The following THBS4 variants were observed in gnomAD, a reference collection of about 807,000 sequenced individuals.
THBS4 encodes the protein thrombospondin-4.
THBS4 carries 90 observed loss-of-function variants against 115.7 expected under a neutral mutation model. That is an observed-to-expected ratio of 0.78 (90% CI 0.66 to 0.93). The LOEUF (loss-of-function observed/expected upper bound fraction) is 0.93. THBS4 is among the 40% of genes least tolerant of loss of function. THBS4 has a pLI of 0.00. For synonymous variants in THBS4, 460 were observed against 479.3 expected, an observed-to-expected ratio of 0.96 and a Z score of 0.53; for missense variants, 1,087 against 1,232.7, an observed-to-expected ratio of 0.88 and a Z score of 1.77.
At chr5:80,072,174 A>T in intron 13 of THBS4, 104 bp from the exon 14 acceptor site, 2 of 981,412 alleles carry the variant, frequency 2.0e-6, no homozygotes, top group Middle Eastern at 2.1e-4. Context: ...TCTCTGTGTG[A>T]CACTGGCCCA....
Position 80,078,132 on chromosome 5 carries a change from G to C in THBS4, c.2170G>C (p.Glu724Gln), listed in dbSNP as rs781663952. 1 of 1,612,814 alleles carries C rather than the reference G, an allele frequency of 6.2e-7. No homozygotes were observed. Among genetic ancestry groups the C allele is most frequent in the Admixed American group, 1.7e-5 (1 of 59,924 alleles). ...DRIDVCPENA[E>Q]VTLTDFRAYQ... ...GATCGACGTCTGCCCAGAGAACGCA[G>C]AGGTCACCCTGACCGACTTCAGGGC... Residue 724 changes from glutamate (E) to glutamine (Q), a missense_variant, in exon 17 of 22, where the codon GAG (glutamate) becomes CAG (glutamine). Around this residue, in one of 3 missense-constraint regions of THBS4, gnomAD observed 979 missense variants for 1,103.7 expected, o/e 0.89. Transcript: ENST00000350881.
chr5:79,992,496 C>T (rs972163030), intron 1 of THBS4, among the ~76,000 whole-genome samples: 1 of 152,188 alleles, frequency 6.6e-6, no homozygotes, highest in Non-Finnish European at 1.5e-5. Context: ...GTCTTTTTTA[C>T]ATGTTTCAAA....
chr5:80,025,174 G>A (rs978656858), intron 2 of THBS4, among the ~76,000 whole-genome samples: 4 of 152,100 alleles, frequency 2.6e-5, no homozygotes, highest in African/African-American at 9.7e-5. Flanking sequence ...GGGTTTCTAG[G>A]CAGTAAAAAC....
intron 2 of THBS4, among the ~76,000 whole-genome samples, chr5:80,007,259 A>T (rs1832036677): frequency 6.6e-6 from 1 of 152,258 alleles, no homozygotes; most frequent in Admixed American, 6.5e-5. Flanking sequence ...TGAATTTCAC[A>T]GACATATACA....
upstream of THBS4, among the ~76,000 whole-genome samples, chr5:80,030,558 G>A (rs1366389624): frequency 6.6e-6 from 1 of 151,966 alleles, no homozygotes; most frequent in African/African-American, 2.4e-5. Flanking sequence ...TAGTAGAGAC[G>A]GGGTTTCACC....
chr5:80,041,139 C>G (rs1269013276), intron 2 of THBS4, among the ~76,000 whole-genome samples: 1 of 152,172 alleles, frequency 6.6e-6, no homozygotes, highest in East Asian at 1.9e-4. Context: ...ATACCATATC[C>G]AAACCATACC....
intron 2 of THBS4, among the ~76,000 whole-genome samples, chr5:80,040,572 G>T (rs1335825591): frequency 2.0e-5 from 3 of 152,212 alleles, no homozygotes; most frequent in African/African-American, 7.2e-5. Context: ...GGAACAGAGA[G>T]GACAAGGGAC....
chr5:80,040,249 T>C lies in THBS4; in HGVS notation c.261T>C (p.Phe87=), dbSNP rs1182336071. 1.2e-6 allele frequency: 2 copies of C among 1,613,838 alleles called. No homozygotes were observed. The highest frequency in any genetic ancestry group is 1.3e-5 in the African/African-American group (1 of 74,926). Reference sequence around the variant, plus strand: ...CTTCAACTGACAACAGTAAATATTTTGAATTTACTGTGATGGGACGCTTAA... The same window carrying C: ...CTTCAACTGACAACAGTAAATATTTCGAATTTACTGTGATGGGACGCTTAA... ...LYSSTDNSKY[F]EFTVMGRLNK... The change falls in exon 2 of 22, where the codon TTT becomes TTC. Residue 87 remains phenylalanine (F), a synonymous_variant. Transcript: ENST00000350881.
upstream of THBS4, among the ~76,000 whole-genome samples, chr5:80,034,778 C>T (rs149109223): frequency 3.5e-4 from 53 of 152,250 alleles, no homozygotes; most frequent in African/African-American, 1.1e-3. Flanking sequence ...CACTGTGTCT[C>T]AAAATGATAG....
Position 80,061,783 on chromosome 5 carries a change from G to A in THBS4, c.1076G>A (p.Gly359Glu). 1 of 1,613,958 alleles carries A rather than the reference G, an allele frequency of 6.2e-7. No individual in the cohort carries two copies. Among genetic ancestry groups the A allele is most frequent in the Non-Finnish European group, 8.5e-7 (1 of 1,179,972 alleles). The change falls in exon 8 of 22, where the codon GGG (glycine) becomes GAG (glutamate). Residue 359 changes from glycine to glutamate, a missense_variant. Gly to Glu is a moderately conservative substitution (Grantham distance 98, BLOSUM62 -2). Coordinates refer to ENST00000350881, the MANE Select transcript of THBS4 (RefSeq NM_003248.6). ...RCDACPVGFT[G>E]PMVQGVGISF... is the part of the protein sequence containing the mutation. Reference sequence around the variant, plus strand: ...GACGCCTGCCCAGTGGGCTTCACAGGGCCCATGGTGCAGGGTGTTGGGATC... The same window carrying A: ...GACGCCTGCCCAGTGGGCTTCACAGAGCCCATGGTGCAGGGTGTTGGGATC...
At chr5:80,045,995 T>A (rs1833054793) in intron 2 of THBS4, among the ~76,000 whole-genome samples, 1 of 152,196 alleles carries the variant, frequency 6.6e-6, no homozygotes, top group African/African-American at 2.4e-5. Context: ...AAAACTATAA[T>A]AATTAGGACA....
intron 2 of THBS4, among the ~76,000 whole-genome samples, chr5:80,021,383 T>C (rs1218368494): frequency 6.6e-6 from 1 of 152,202 alleles, no homozygotes; most frequent in African/African-American, 2.4e-5. Flanking sequence ...CTAAATTTTT[T>C]CATTTTGAAA....
At chr5:80,024,090 C>T (rs1406122442) in intron 2 of THBS4, among the ~76,000 whole-genome samples, 1 of 152,074 alleles carries the variant, frequency 6.6e-6, no homozygotes, top group African/African-American at 2.4e-5. Context: ...ATAAGGAAAC[C>T]ACCATGTGCC....
chr5:80,005,762 AT>A lies in THBS4; in HGVS notation n.177+7357del, dbSNP rs567389394. Among the ~76,000 whole-genome samples the A allele has an allele frequency of 3.6e-3, 431 of 119,840 alleles. 2 individuals carry two copies. Among genetic ancestry groups the A allele is most frequent in the African/African-American group, 7.6e-3 (230 of 30,392 alleles). 78.6% of individuals were successfully genotyped at this position (119,840 alleles called of 152,430 possible). A position where few individuals can be genotyped will look rare whatever the true frequency, so the allele number is the denominator to read the frequency against. ...GTACACGGTATGTTTTGTTTGTGGC[AT>A]TTTTTTTTTTTTTTTTTTTTTGAGA... On this transcript the variant is annotated intron_variant and non_coding_transcript_variant, in intron 2 of 3. Transcript: ENST00000510218.
rs1832701887 is a variant in THBS4, at chr5:80,035,828, A to G, written c.88+203A>G. 6.6e-6 allele frequency among the ~76,000 whole-genome samples: 1 copy of G among 152,208 alleles called. No homozygotes were observed. Among genetic ancestry groups the G allele is most frequent in the African/African-American group, 2.4e-5 (1 of 41,462 alleles). On this transcript the variant is annotated intron_variant, in intron 1 of 21. Coordinates refer to ENST00000350881, the MANE Select transcript of THBS4 (RefSeq NM_003248.6). This position sits in a 1 kb window ranked among gnomAD's most constrained non-coding sequence, Gnocchi z 4.6. ...GAAATTCGATTATCCAATGATGAGA[A>G]CAATTGCCTAAATAGTTGGGGGATG...
intron 2 of THBS4, among the ~76,000 whole-genome samples, chr5:80,041,150 AC>A (rs1229403503): frequency 6.6e-6 from 1 of 151,782 alleles, no homozygotes. Flanking sequence ...AAACCATACC[AC>A]CCGCAGATTT....
At chr5:80,065,508 A>G (rs1171807442) in intron 9 of THBS4, 31 bp downstream of exon 9, 1 of 1,597,386 alleles carries the variant, frequency 6.3e-7, no homozygotes, top group African/African-American at 1.3e-5. Flanking sequence ...TTGTTATCAA[A>G]GCAGAACCGG....
intron 2 of THBS4, among the ~76,000 whole-genome samples, chr5:80,011,170 C>A (rs1200195200): frequency 6.6e-6 from 1 of 152,208 alleles, no homozygotes; most frequent in Admixed American, 6.5e-5. Flanking sequence ...TTGCCTGCTG[C>A]CATCCATGTA....
At position 80,076,851 on chromosome 5, in the gene THBS4, G is replaced by A. The variant is rs1743241607; in HGVS notation, c.1893-4G>A. On this transcript the variant is annotated splice_polypyrimidine_tract_variant and splice_region_variant and intron_variant, in intron 15 of 21. Transcript: ENST00000350881. ...AGCCACATCACCTGTCCTTTCTCCT[G>A]CAGTGATGGAGATGGGCACCAGGAC... is the stretch of plus-strand genomic sequence containing the variant. 1 of 1,572,620 alleles carries A rather than the reference G, an allele frequency of 6.4e-7. No individual in the cohort carries two copies. Among genetic ancestry groups the A allele is most frequent in the East Asian group, 2.3e-5 (1 of 43,734 alleles).
Sources: gnomAD v4.1 joint callset for allele counts (sites outside exome capture counted in the v4.1 genomes callset) on GRCh38, gnomAD v4.1.1 for gene constraint, gnomAD v4.1.1 regional missense constraint, Gnocchi (gnomAD v3.1) non-coding constraint, MANE v1.5 for transcripts, NCBI Gene and HGNC (gene_info 2026-07-23, HGNC 2026-07-21) for gene names.